The following ARID5B variants were observed in gnomAD, a reference collection of about 807,000 sequenced individuals.
The protein encoded by ARID5B is AT-rich interaction domain 5B.
In ARID5B, 13 loss-of-function variants were observed where a neutral mutation model predicts 97.2. That is an observed-to-expected ratio of 0.13 (90% CI 0.09 to 0.21). ARID5B has a LOEUF of 0.21. Among genes scored for constraint, ARID5B ranks in the 10% least tolerant of loss-of-function variants. The pLI, the probability that ARID5B is intolerant of heterozygous loss-of-function variation, is 1.00. For synonymous variants in ARID5B, 556 were observed against 570.3 expected (o/e 0.97, Z 0.36); for missense variants, 1,210 against 1,465.3 (o/e 0.83, Z 2.84).
At chr10:61,955,900 C>T (rs1838385802) in intron 3 of ARID5B, among the ~76,000 whole-genome samples, 1 of 152,176 alleles carries the variant, frequency 6.6e-6, no homozygotes, top group Non-Finnish European at 1.5e-5. Flanking sequence ...ATCCACCCGC[C>T]TCAGCCTCCC....
At chr10:62,088,841 C>A (rs2132981965) in intron 9 of ARID5B, among the ~76,000 whole-genome samples, 1 of 152,234 alleles carries the variant, frequency 6.6e-6, no homozygotes, top group South Asian at 2.1e-4. Flanking sequence ...GAGAAATTCC[C>A]TCTAGTTGAA....
At position 62,093,202 on chromosome 10, in the gene ARID5B, A is replaced by C. The variant is rs1278625136; in HGVS notation, c.*172A>C. The C allele has an allele frequency of 1.0e-6, 1 of 981,756 alleles. No homozygotes were observed. Among genetic ancestry groups the C allele is most frequent in the Non-Finnish European group, 1.4e-6 (1 of 692,054 alleles). The allele number at this position is 981,756 out of a possible 1,614,324, so 60.8% of individuals were successfully genotyped here. A position where few individuals can be genotyped will look rare whatever the true frequency, so the allele number is the denominator to read the frequency against. On this transcript the variant is annotated 3_prime_UTR_variant, in exon 10 of 10. Transcript: ENST00000279873. ...TGAACATGCCTGATTTTTGTGGGACAACTCTAGCCCACAAACTGACTGGCT... is the reference window on the plus strand; with the variant it reads ...TGAACATGCCTGATTTTTGTGGGACCACTCTAGCCCACAAACTGACTGGCT...
At chr10:62,021,039 T>TAC (rs1839349766) in intron 4 of ARID5B, among the ~76,000 whole-genome samples, 1 of 53,466 alleles carries the variant, frequency 1.9e-5, no homozygotes, top group Admixed American at 1.7e-4. Context: ...AATATATATA[T>TAC]ATATATATAT....
rs113565779 is a variant in ARID5B at position 62,000,871 on chromosome 10, AGAT to A, written c.733+554_733+556del. Among the ~76,000 whole-genome samples, 6 of 150,380 alleles carry A rather than the reference AGAT, an allele frequency of 4.0e-5. No individual in the cohort carries two copies. Among genetic ancestry groups the A allele is most frequent in the Admixed American group, 6.6e-5 (1 of 15,084 alleles). Reference sequence around the variant, plus strand: ...TAGATAGATAGATAGATAGATAGATAGATGATAGGTGATAGATATCCATGTCCT... The same window carrying A: ...TAGATAGATAGATAGATAGATAGATAGATAGGTGATAGATATCCATGTCCT... On this transcript the variant is annotated intron_variant, in intron 4 of 9. Transcript: ENST00000279873. The surrounding 1 kb of genome is among the most constrained non-coding windows in gnomAD (Gnocchi z 4.4).
chr10:61,971,441 A>G (rs1476583005), intron 3 of ARID5B, among the ~76,000 whole-genome samples: 2 of 152,224 alleles, frequency 1.3e-5, no homozygotes, highest in Non-Finnish European at 2.9e-5. Flanking sequence ...TTCCTTGACT[A>G]TGCTGAGGGT....
intron 9 of ARID5B, among the ~76,000 whole-genome samples, chr10:62,088,124 C>T (rs10761605): frequency 0.8 from 121,526 of 151,752 alleles, 49,248 homozygotes; most frequent in Middle Eastern, 0.93. Context: ...GCCTTGGCCT[C>T]CCAACGTGCT....
chr10:62,023,326 C>T (rs1159651444), intron 4 of ARID5B, among the ~76,000 whole-genome samples: 3 of 152,320 alleles, frequency 2.0e-5, no homozygotes, highest in East Asian at 1.9e-4. Flanking sequence ...CTTTGGCCAT[C>T]ATCATTCATA....
At chr10:61,983,048 C>T (rs1838798178) in intron 3 of ARID5B, among the ~76,000 whole-genome samples, 1 of 152,130 alleles carries the variant, frequency 6.6e-6, no homozygotes, top group Non-Finnish European at 1.5e-5. Flanking sequence ...CATATTGAGG[C>T]TCCTTCAGAG....
Position 62,094,286 on chromosome 10 carries a change from T to A in ARID5B, c.*1256T>A, listed in dbSNP as rs55913611. 1.1e-3 allele frequency: 251 copies of A among 231,584 alleles called. No individual in the cohort carries two copies. The highest frequency in any genetic ancestry group is 1.6e-3 in the Non-Finnish European group (193 of 117,000). 14.3% of individuals were successfully genotyped at this position (231,584 alleles called of 1,614,324 possible). ...GCCAGAAGAGGAGCAGCTGCAGTCC[T>A]GATAGCTTCTCTAGCCTCGGTCTTT... is the stretch of plus-strand genomic sequence containing the variant. On this transcript the variant is annotated 3_prime_UTR_variant, in exon 10 of 10. Transcript: ENST00000279873.
intron 4 of ARID5B, among the ~76,000 whole-genome samples, chr10:62,024,114 C>T (rs1839389470): frequency 6.6e-6 from 1 of 152,172 alleles, no homozygotes; most frequent in Non-Finnish European, 1.5e-5. Flanking sequence ...TCAAGGCCAT[C>T]GTTCATCAAT....
intron 7 of ARID5B, among the ~76,000 whole-genome samples, chr10:62,061,330 T>G (rs1346749174): frequency 1.3e-5 from 2 of 152,192 alleles, no homozygotes; most frequent in African/African-American, 4.8e-5. Flanking sequence ...GAATGATGGA[T>G]TATGCCTTCC....
At position 61,915,460 on chromosome 10, in the gene ARID5B, G is replaced by C. The variant is rs545059193; in HGVS notation, c.276+13047G>C. 6.6e-5 allele frequency among the ~76,000 whole-genome samples: 10 copies of C among 152,304 alleles called. No homozygotes were observed. The South Asian group carries it at 2.1e-3, about 32-fold the overall frequency. On this transcript the variant is annotated intron_variant, in intron 2 of 9. Transcript: ENST00000279873. ...ATATCATTTGAGTTGAGGTCTAAAG[G>C]GATCTGGGGGTGAAGATTGGGAAGT...
intron 8 of ARID5B, among the ~76,000 whole-genome samples, chr10:62,070,483 T>C (rs1228411375): frequency 6.6e-6 from 1 of 152,238 alleles, no homozygotes; most frequent in Non-Finnish European, 1.5e-5. Context: ...TTCAAGCCCA[T>C]ACTTAATTTG....
chr10:62,093,714 G>C lies in ARID5B; in HGVS notation c.*684G>C, dbSNP rs1461463564. On this transcript the variant is annotated 3_prime_UTR_variant, in exon 10 of 10. Coordinates refer to ENST00000279873, the MANE Select transcript of ARID5B (RefSeq NM_032199.3). ...ATTGCTTTTGTTTGCAGGTCTTTTT[G>C]TTTTTGTTTTGTTTTTGAGGCTGAC... is the stretch of plus-strand genomic sequence containing the variant. 2 of 37,350 alleles carry C rather than the reference G, an allele frequency of 5.4e-5. No homozygotes were observed. Among genetic ancestry groups the C allele is most frequent in the Non-Finnish European group, 1.0e-4 (2 of 19,876 alleles). The allele number at this position is 37,350 out of a possible 1,614,324, so 2.3% of individuals were successfully genotyped here.
rs1017186434 is a variant in ARID5B at position 62,018,102 on chromosome 10, T to G, written c.733+17781T>G. Among the ~76,000 whole-genome samples the G allele has an allele frequency of 3.9e-5, 6 of 152,242 alleles. No homozygotes were observed. The South Asian group carries it at 1.0e-3, about 26-fold the overall frequency. On this transcript the variant is annotated intron_variant, in intron 4 of 9. Coordinates refer to ENST00000279873, the MANE Select transcript of ARID5B (RefSeq NM_032199.3). ...ATAATCGGGTTTTCTATATAATAGA[T>G]ATTTTAAATGATCTCTGCAAGGTGG...
chr10:62,079,481 T>G (rs1431669957), intron 8 of ARID5B, among the ~76,000 whole-genome samples: 2 of 152,232 alleles, frequency 1.3e-5, no homozygotes, highest in Non-Finnish European at 2.9e-5. Flanking sequence ...AATATTGTAA[T>G]GCCTAATCAA....
At chr10:61,969,806 A>G (rs1838600738) in intron 3 of ARID5B, among the ~76,000 whole-genome samples, 1 of 152,180 alleles carries the variant, frequency 6.6e-6, no homozygotes, top group African/African-American at 2.4e-5. Context: ...AATTGTGTTT[A>G]GAAATAGCCT....
chr10:61,964,021 T>C (rs954689555), intron 3 of ARID5B, among the ~76,000 whole-genome samples: 2 of 152,192 alleles, frequency 1.3e-5, no homozygotes, highest in African/African-American at 4.8e-5. Flanking sequence ...GATTTGCACC[T>C]TTCTTGATTT....
chr10:61,915,028 T>G (rs1843876426), intron 2 of ARID5B, among the ~76,000 whole-genome samples: 1 of 152,246 alleles, frequency 6.6e-6, no homozygotes, highest in Non-Finnish European at 1.5e-5. Context: ...ATTCTTTAAT[T>G]GAGTCTTTAT....
Sources: allele counts gnomAD v4.1 joint callset (sites outside exome capture counted in the v4.1 genomes callset), GRCh38; gene constraint gnomAD v4.1.1; non-coding constraint Gnocchi (gnomAD v3.1); transcripts MANE v1.5; gene names NCBI Gene and HGNC (gene_info 2026-07-23, HGNC 2026-07-21).